Variants in PAGE1 observed in about 807,000 individuals in gnomAD.
The protein encoded by PAGE1 is P antigen family member 1.
Under a neutral mutation model 11.5 loss-of-function variants are expected in PAGE1, and 6 were observed. That is an observed-to-expected ratio of 0.52 (90% CI 0.29 to 1.03). The LOEUF (loss-of-function observed/expected upper bound fraction) is 1.03. Among genes scored for constraint, PAGE1 ranks in the 50% least tolerant of loss-of-function variants. The pLI, the probability that PAGE1 is intolerant of heterozygous loss-of-function variation, is 0.09. For synonymous variants in PAGE1, 42 were observed against 40.2 expected, an observed-to-expected ratio of 1.05 and a Z score of -0.17; for missense variants, 120 against 110.2, an observed-to-expected ratio of 1.09 and a Z score of -0.40.
intron 3 of PAGE1, 79 bp downstream of exon 3, chrX:49,694,018 TGA>T: frequency 4.7e-6 from 2 of 423,293 alleles, no homozygotes; most frequent in Non-Finnish European, 7.7e-6. Context: ...TGACAATGCA[TGA>T]GACACACACA....
At chrX:49,693,751 T>C (rs2066929274) in intron 3 of PAGE1, among the ~76,000 whole-genome samples, 1 of 111,212 alleles carries the variant, frequency 9.0e-6, no homozygotes, top group African/African-American at 3.3e-5. Context: ...CAAAATCATT[T>C]ACTATTGTTA....
At chrX:49,691,108 G>A (rs1396149503) in intron 4 of PAGE1, 141 bp downstream of exon 4, 1 of 506,457 alleles carries the variant, frequency 2.0e-6, no homozygotes, top group South Asian at 5.0e-5. Context: ...AACCCAGCAG[G>A]TGGATGTTGC....
Position 49,694,211 on chromosome X carries a change from G to C in PAGE1, c.64-10C>G. ...GCTCATCACTGGACTCCTTGTGGTA[G>C]GGAATATGTGTGTGAGTGTGCAAAG... On this transcript the variant is annotated splice_polypyrimidine_tract_variant and intron_variant, in intron 2 of 5. Coordinates refer to ENST00000376150, the MANE Select transcript of PAGE1 (RefSeq NM_003785.4). 1 of 1,080,566 alleles carries C rather than the reference G, an allele frequency of 9.3e-7. No individual in the cohort carries two copies. Among genetic ancestry groups the C allele is most frequent in the South Asian group, 2.0e-5 (1 of 50,248 alleles). 89.1% of individuals were successfully genotyped at this position (1,080,566 alleles called of 1,213,427 possible).
chrX:49,690,638 A>G (rs1557142110), intron 4 of PAGE1, among the ~76,000 whole-genome samples: 1 of 111,945 alleles, frequency 8.9e-6, no homozygotes, highest in Admixed American at 9.6e-5. Context: ...TTAAGGAAAC[A>G]TTCCAGATTA....
intron 4 of PAGE1, among the ~76,000 whole-genome samples, chrX:49,690,138 T>C (rs1200145657): frequency 6.9e-5 from 6 of 86,919 alleles, no homozygotes; most frequent in Admixed American, 1.2e-4. Flanking sequence ...TATACACATA[T>C]ATATGTGTAT....
At position 49,691,376 on chromosome X, in the gene PAGE1, TTAAAGA is replaced by T; in HGVS notation, c.167-8_167-3del. 1.7e-6 allele frequency: 2 copies of T among 1,186,285 alleles called. No homozygotes were observed. The highest frequency in any genetic ancestry group is 2.3e-6 in the Non-Finnish European group (2 of 883,893). ...GGCTATCAGCTTCAGGCTCCTGCCC[TTAAAGA>T]TAAAACAAAATTATCATTTTAAGCA... On this transcript the variant is annotated splice_region_variant and splice_polypyrimidine_tract_variant and intron_variant, in intron 3 of 5. Coordinates refer to ENST00000376150, the MANE Select transcript of PAGE1 (RefSeq NM_003785.4).
intron 4 of PAGE1, among the ~76,000 whole-genome samples, chrX:49,689,768 A>G (rs1307950251): frequency 7.4e-4 from 47 of 63,364 alleles, no homozygotes; most frequent in Non-Finnish European, 1.2e-3. Context: ...ATACATATAT[A>G]TGTGTGTATA....
rs782755652 is a variant in PAGE1, at chrX:49,689,356, A to G, written c.418+62T>C. 3 of 951,220 alleles carry G rather than the reference A, an allele frequency of 3.2e-6. No individual in the cohort carries two copies. The East Asian group carries it at 2.2e-4, about 70-fold the overall frequency. The allele number at this position is 951,220 out of a possible 1,213,427, so 78.4% of individuals were successfully genotyped here. On this transcript the variant is annotated intron_variant, in intron 5 of 5. Transcript: ENST00000376150. ...ACTCTGTCTCAAAAAAATAATAATT[A>G]TTATAATATGATACTGTGGAAACAG...
At chrX:49,691,227 G>C in intron 4 of PAGE1, 22 bp downstream of exon 4, 1 of 1,200,619 alleles carries the variant, frequency 8.3e-7, no homozygotes, top group Non-Finnish European at 1.1e-6. Flanking sequence ...CCTACAATTT[G>C]CATGCTTAAT....
intron 5 of PAGE1, 62 bp from the exon 6 acceptor site, chrX:49,687,625 A>G: frequency 9.9e-7 from 1 of 1,007,970 alleles, no homozygotes; most frequent in Non-Finnish European, 1.4e-6. Context: ...GATGACCCAA[A>G]AGGCACACAA....
At position 49,691,269 on chromosome X, in the gene PAGE1, T is replaced by C. The variant is rs1557142188; in HGVS notation, c.272A>G (p.Gln91Arg). 8.3e-7 allele frequency: 1 copy of C among 1,210,886 alleles called. No homozygotes were observed. The highest frequency in any genetic ancestry group is 2.2e-5 in the Admixed American group (1 of 46,033). Reference sequence around the variant, plus strand: ...CCTACCTTCTGCGGGCAGTTTCATCTGCTCTTCATTTCGCAGGCACACCCT... The same window carrying C: ...CCTACCTTCTGCGGGCAGTTTCATCCGCTCTTCATTTCGCAGGCACACCCT... ...TKRVCLRNEE[Q>R]MKLPAEGPEP... The change falls in exon 4 of 6, where the codon CAG becomes CGG. Residue 91 changes from glutamine to arginine, a missense_variant. Gln to Arg is a conservative substitution (Grantham distance 43, BLOSUM62 1). Transcript: ENST00000376150.
rs138993830 is a variant in PAGE1 at position 49,689,427 on chromosome X, G to A, written c.409C>T (p.Pro137Ser). The A allele has an allele frequency of 1.5e-5, 16 of 1,098,808 alleles. No individual in the cohort carries two copies. In the African/African-American group the frequency reaches 3.3e-4, roughly 23 times the overall value. 90.6% of individuals were successfully genotyped at this position (1,098,808 alleles called of 1,213,427 possible). The change falls in exon 5 of 6, where the codon CCT (proline) becomes TCT (serine). Residue 137 changes from proline (P) to serine (S), a missense_variant. Pro to Ser is a moderately conservative substitution (Grantham distance 74). Coordinates refer to ENST00000376150, the MANE Select transcript of PAGE1 (RefSeq NM_003785.4). ...CTAATGGATTGCCTACCTTCCTCAG[G>A]TGTTTTCACCTCCTCTGGATTTGGC... ...GLPNPEEVKT[P>S]EEDEGQSQP
intron 5 of PAGE1, among the ~76,000 whole-genome samples, chrX:49,688,171 T>A (rs1254978331): frequency 8.9e-6 from 1 of 112,531 alleles, no homozygotes; most frequent in Admixed American, 9.4e-5. Context: ...AAAGCACTTA[T>A]TCATTAAGGG....
chrX:49,690,147 A>ATATATACACATATATATGTGTG (rs2066915116), intron 4 of PAGE1, among the ~76,000 whole-genome samples: 1 of 91,362 alleles, frequency 1.1e-5, no homozygotes, highest in Admixed American at 1.2e-4. Context: ...ATATATGTGT[A>ATATATACACATATATATGTGTG]TATATATAAT....
chrX:49,692,432 A>C (rs2066923756), intron 3 of PAGE1, among the ~76,000 whole-genome samples: 1 of 111,567 alleles, frequency 9.0e-6, no homozygotes, highest in Non-Finnish European at 1.9e-5. Flanking sequence ...TGTGGGCAGC[A>C]GGGTAAGAGA....
At chrX:49,694,021 G>GACAC (rs565227923) in intron 3 of PAGE1, 78 bp downstream of exon 3, 22,835 of 351,923 alleles carry the variant, frequency 0.065, 472 homozygotes, top group East Asian at 0.08. Flanking sequence ...CAATGCATGA[G>GACAC]ACACACACAC....
At position 49,689,556 on chromosome X, in the gene PAGE1, A is replaced by AT; in HGVS notation, c.293-14_293-13insA. On this transcript the variant is annotated splice_polypyrimidine_tract_variant and intron_variant, in intron 4 of 5. Transcript: ENST00000376150. Reference sequence around the variant, plus strand: ...TCAGGCTCTGGCCCTTAAAAAAAAAAAAAAAAAAAAAAAAAAAAAATATAT... The same window carrying AT: ...TCAGGCTCTGGCCCTTAAAAAAAAAATAAAAAAAAAAAAAAAAAAAATATAT... 1 of 172,154 alleles carries AT rather than the reference A, an allele frequency of 5.8e-6. No homozygotes were observed. The highest frequency in any genetic ancestry group is 1.3e-4 in the African/African-American group (1 of 7,785). 14.2% of individuals were successfully genotyped at this position (172,154 alleles called of 1,213,427 possible).
intron 4 of PAGE1, among the ~76,000 whole-genome samples, chrX:49,690,781 T>C (rs1350213353): frequency 3.6e-5 from 4 of 110,848 alleles, no homozygotes; most frequent in African/African-American, 9.9e-5. Context: ...TGCCAACATT[T>C]TGGGATGCCA....
intron 1 of PAGE1, 35 bp downstream of exon 1, chrX:49,695,834 C>CT (rs1362545628): frequency 3.6e-5 from 4 of 112,581 alleles, no homozygotes; most frequent in African/African-American, 1.3e-4. Flanking sequence ...CTGGCTCCGC[C>CT]TGAAGCCCAC....
Sources: gnomAD v4.1 joint callset for allele counts (sites outside exome capture counted in the v4.1 genomes callset) on GRCh38, gnomAD v4.1.1 for gene constraint, MANE v1.5 for transcripts, NCBI Gene and HGNC (gene_info 2026-07-23, HGNC 2026-07-21) for gene names.